The following PTPRE variants were observed in gnomAD, a reference collection of about 807,000 sequenced individuals.
PTPRE encodes receptor-type tyrosine-protein phosphatase epsilon.
In PTPRE, 51 loss-of-function variants were observed where a neutral mutation model predicts 102.0. The observed-to-expected ratio is 0.50, with a 90% CI of 0.40 to 0.63. The LOEUF is 0.63. Among genes scored for constraint, PTPRE ranks in the 30% least tolerant of loss-of-function variants. The pLI is 0.00. For synonymous variants in PTPRE, 345 were observed against 348.2 expected, an observed-to-expected ratio of 0.99 and a Z score of 0.10; for missense variants, 752 against 915.1, an observed-to-expected ratio of 0.82 and a Z score of 2.30.
At chr10:128,030,251 A>G (rs1846628803) in intron 2 of PTPRE, among the ~76,000 whole-genome samples, 1 of 152,210 alleles carries the variant, frequency 6.6e-6, no homozygotes, top group African/African-American at 2.4e-5. Flanking sequence ...CGCCGTTACA[A>G]TAACCAGCCC....
At chr10:128,074,289 G>A (rs967782663) in intron 17 of PTPRE, among the ~76,000 whole-genome samples, 8 of 152,142 alleles carry the variant, frequency 5.3e-5, no homozygotes, top group Admixed American at 2.0e-4. Context: ...AATAGTATTT[G>A]CTTGTGTGGA....
intron 2 of PTPRE, among the ~76,000 whole-genome samples, chr10:128,037,813 TA>T (rs1847339389): frequency 6.6e-6 from 1 of 152,164 alleles, no homozygotes; most frequent in Admixed American, 6.5e-5. Context: ...CATTTTTTTA[TA>T]TGAGTCTCGC....
intron 1 of PTPRE, among the ~76,000 whole-genome samples, chr10:127,918,420 A>C (rs1218721071): frequency 6.6e-6 from 1 of 152,000 alleles, no homozygotes; most frequent in African/African-American, 2.4e-5. Flanking sequence ...ATAGCCCAGC[A>C]TGGTGGTGGG....
rs1194563738 is a variant in PTPRE at position 127,944,725 on chromosome 10, C to T, written c.-31+37416C>T. ...TATTTGAAAGATCTCTGTGGCTCCA[C>T]GTGGATAGCAGGCTGGTGTAGGTAC... is the stretch of plus-strand genomic sequence containing the variant. On this transcript the variant is annotated intron_variant, in intron 1 of 20. Transcript: ENST00000254667. This position sits in a 1 kb window ranked among gnomAD's most constrained non-coding sequence, Gnocchi z 4.2. Among the ~76,000 whole-genome samples, 3 of 152,086 alleles carry T rather than the reference C, an allele frequency of 2.0e-5. No homozygotes were observed. Among genetic ancestry groups the T allele is most frequent in the African/African-American group, 2.4e-5 (1 of 41,406 alleles).
intron 19 of PTPRE, 142 bp downstream of exon 19, chr10:128,077,925 A>C: frequency 3.5e-6 from 3 of 860,644 alleles, no homozygotes; most frequent in African/African-American, 1.7e-5. Context: ...CTCCTTACAC[A>C]CATGCACACA....
At chr10:127,922,396 G>A (rs1185400926) in intron 1 of PTPRE, among the ~76,000 whole-genome samples, 1 of 152,234 alleles carries the variant, frequency 6.6e-6, no homozygotes, top group Non-Finnish European at 1.5e-5. Flanking sequence ...TCTGTGCGGA[G>A]CTCAGCCCTG....
intron 2 of PTPRE, among the ~76,000 whole-genome samples, chr10:127,990,765 C>T (rs1003467193): frequency 5.3e-5 from 8 of 152,214 alleles, no homozygotes; most frequent in South Asian, 4.2e-4. Flanking sequence ...CCTCCTGCCT[C>T]GCTCATTTGT....
intron 2 of PTPRE, among the ~76,000 whole-genome samples, chr10:128,015,944 A>G (rs1484697298): frequency 6.6e-6 from 1 of 152,200 alleles, no homozygotes; most frequent in African/African-American, 2.4e-5. Context: ...AGCCTGTGGC[A>G]CTAGAGAAGC....
At chr10:128,018,548 G>T (rs540055056) in intron 2 of PTPRE, among the ~76,000 whole-genome samples, 4 of 152,184 alleles carry the variant, frequency 2.6e-5, no homozygotes, top group African/African-American at 9.7e-5. Context: ...AGCAGGAGGC[G>T]GTGTTGGCCG....
chr10:127,980,694 G>A (rs1428354677), intron 1 of PTPRE, among the ~76,000 whole-genome samples: 1 of 152,008 alleles, frequency 6.6e-6, no homozygotes, highest in African/African-American at 2.4e-5. Flanking sequence ...TGCTTCTTGG[G>A]CTTCAAACAC....
At chr10:127,923,322 G>A (rs1243148267) in intron 1 of PTPRE, among the ~76,000 whole-genome samples, 2 of 152,148 alleles carry the variant, frequency 1.3e-5, no homozygotes, top group South Asian at 2.1e-4. Context: ...TATCCAGAGC[G>A]AGTGCTACAA....
In PTPRE at chr10:128,026,287, G is replaced by A. The variant is rs1398220242; in HGVS notation, c.-7-14588G>A. ...CTGTGTTCCAAGGCAAAGGGGCACT[G>A]CCTGTCTGGGCTACTGTCAGGGGAG... is the stretch of plus-strand genomic sequence containing the variant. On this transcript the variant is annotated intron_variant, in intron 2 of 20. Coordinates refer to ENST00000254667, the MANE Select transcript of PTPRE (RefSeq NM_006504.6). 2.6e-5 allele frequency among the ~76,000 whole-genome samples: 4 copies of A among 152,266 alleles called. 1 individual carries two copies. The highest frequency in any genetic ancestry group is 9.6e-5 in the African/African-American group (4 of 41,472).
intron 1 of PTPRE, among the ~76,000 whole-genome samples, chr10:127,975,711 A>G (rs908441560): frequency 9.9e-5 from 15 of 152,224 alleles, no homozygotes; most frequent in Admixed American, 9.8e-4. Flanking sequence ...CAAGAAAAAC[A>G]TCTTTAGCGT....
At chr10:128,036,918 C>A (rs533328872) in intron 2 of PTPRE, among the ~76,000 whole-genome samples, 1 of 152,310 alleles carries the variant, frequency 6.6e-6, no homozygotes, top group South Asian at 2.1e-4. Flanking sequence ...GGACCACTCT[C>A]CGGCCGCAAA....
At chr10:128,066,885 C>T (rs1004649071) in intron 11 of PTPRE, among the ~76,000 whole-genome samples, 1 of 152,138 alleles carries the variant, frequency 6.6e-6, no homozygotes, top group African/African-American at 2.4e-5. Flanking sequence ...CGCACACAGG[C>T]ACTCACATGC....
At chr10:127,993,198 C>A (rs747592006) in intron 2 of PTPRE, among the ~76,000 whole-genome samples, 46 of 152,164 alleles carry the variant, frequency 3.0e-4, no homozygotes, top group Non-Finnish European at 5.4e-4. Flanking sequence ...TTTCTTAAAT[C>A]CCCAGGAAAG....
chr10:127,992,410 C>T (rs977632395), intron 2 of PTPRE, among the ~76,000 whole-genome samples: 5 of 152,276 alleles, frequency 3.3e-5, no homozygotes, highest in South Asian at 2.1e-4. Flanking sequence ...GAAAAGTTCT[C>T]GCACGAAATT....
chr10:128,046,228 G>A (rs1023705507), intron 3 of PTPRE, among the ~76,000 whole-genome samples: 2 of 152,194 alleles, frequency 1.3e-5, no homozygotes, highest in Non-Finnish European at 2.9e-5. Flanking sequence ...CGGAAGGCAT[G>A]AGGGTCCCTT....
chr10:128,017,510 A>G (rs1845533647), intron 2 of PTPRE, among the ~76,000 whole-genome samples: 1 of 152,040 alleles, frequency 6.6e-6, no homozygotes, highest in South Asian at 2.1e-4. Flanking sequence ...AAGGTACAGA[A>G]TTTCCATATG....
Sources: allele counts gnomAD v4.1 joint callset (sites outside exome capture counted in the v4.1 genomes callset), GRCh38; gene constraint gnomAD v4.1.1; non-coding constraint Gnocchi (gnomAD v3.1); transcripts MANE v1.5; gene names NCBI Gene and HGNC (gene_info 2026-07-23, HGNC 2026-07-21).